SHANK2: variants seen among roughly 807,000 people sequenced by gnomAD.
SHANK2 encodes SH3 and multiple ankyrin repeat domains protein 2.
Under a neutral mutation model 133.7 loss-of-function variants are expected in SHANK2, and 43 were observed. The ratio of observed to expected loss-of-function variants is 0.32; its 90% CI spans 0.25 to 0.41. The LOEUF (loss-of-function observed/expected upper bound fraction) is 0.41. Among genes scored for constraint, SHANK2 ranks in the 10% least tolerant of loss-of-function variants. The pLI is 1.00. For missense variants in SHANK2, 1,994 were observed against 2,235.8 expected (o/e 0.89, Z 2.18); for synonymous variants, 1,017 against 952.8 (o/e 1.07, Z -1.24).
chr11:71,162,864 A>G lies in SHANK2; in HGVS notation c.-12-15526T>C, dbSNP rs1257293201. Among the ~76,000 whole-genome samples the G allele has an allele frequency of 7.9e-5, 12 of 151,926 alleles. No homozygotes were observed. In the East Asian group the frequency reaches 1.7e-3, roughly 22 times the overall value. ...AAGACGGGCAGATCACGAGGTCAGG[A>G]GATCAAGATCATCCTGACTAACATG... On this transcript the variant is annotated intron_variant, in intron 2 of 25. Transcript: ENST00000601538.
chr11:70,733,493 T>C (rs185336864), intron 14 of SHANK2, among the ~76,000 whole-genome samples: 1 of 152,200 alleles, frequency 6.6e-6, no homozygotes, highest in Non-Finnish European at 1.5e-5. Context: ...TGAGCTGGGA[T>C]TGGAACCCAG....
At chr11:71,072,475 C>T (rs939720269) in intron 9 of SHANK2, among the ~76,000 whole-genome samples, 3 of 152,244 alleles carry the variant, frequency 2.0e-5, no homozygotes, top group African/African-American at 7.2e-5. Flanking sequence ...GGCTCTCACA[C>T]TTGGTCTTAC....
intron 2 of SHANK2, among the ~76,000 whole-genome samples, chr11:71,184,942 A>T (rs1953640945): frequency 6.6e-6 from 1 of 152,150 alleles, no homozygotes; most frequent in Non-Finnish European, 1.5e-5. Context: ...GCACAAAGCT[A>T]AACACTCTGT....
intron 14 of SHANK2, among the ~76,000 whole-genome samples, chr11:70,725,273 G>A (rs993646994): frequency 7.2e-5 from 11 of 152,222 alleles, no homozygotes; most frequent in Non-Finnish European, 1.5e-4. Flanking sequence ...ACACCCCAAA[G>A]CAGCAACATT....
At chr11:70,549,143 G>A (rs1042622461) in intron 17 of SHANK2, among the ~76,000 whole-genome samples, 2 of 152,174 alleles carry the variant, frequency 1.3e-5, no homozygotes, top group South Asian at 2.1e-4. Context: ...CTGTGCACAC[G>A]GGGGCGCTCG....
intron 17 of SHANK2, among the ~76,000 whole-genome samples, chr11:70,546,424 T>C (rs1011816833): frequency 2.6e-5 from 4 of 152,142 alleles, no homozygotes; most frequent in Non-Finnish European, 4.4e-5. Flanking sequence ...TATCATCTCA[T>C]TAACATATAA....
At chr11:71,119,170 TCA>T in intron 3 of SHANK2, 138 bp from the exon 4 acceptor site, 1 of 661,078 alleles carries the variant, frequency 1.5e-6, no homozygotes, top group South Asian at 2.1e-5. Flanking sequence ...CCACGGCTTT[TCA>T]CAGTGAAAAA....
At chr11:70,584,907 C>T (rs1489169252) in intron 17 of SHANK2, among the ~76,000 whole-genome samples, 2 of 152,236 alleles carry the variant, frequency 1.3e-5, no homozygotes, top group Admixed American at 1.3e-4. Flanking sequence ...TGTCATTCCA[C>T]TACATGTTCT....
rs571485140 is a variant in SHANK2 at position 70,858,485 on chromosome 11, C to T, written c.1175-37803G>A. 3.3e-5 allele frequency among the ~76,000 whole-genome samples: 5 copies of T among 152,346 alleles called. No homozygotes were observed. The East Asian group carries it at 9.7e-4, about 29-fold the overall frequency. On this transcript the variant is annotated intron_variant, in intron 11 of 25. Coordinates refer to ENST00000601538, the MANE Select transcript of SHANK2 (RefSeq NM_012309.5). ...GACCTGCACACCCAACACCTAGCAG[C>T]AAGGCAGATTCCAACCTGACCATGG...
At chr11:70,692,024 G>A (rs1945300231) in intron 15 of SHANK2, among the ~76,000 whole-genome samples, 1 of 152,178 alleles carries the variant, frequency 6.6e-6, no homozygotes, top group Non-Finnish European at 1.5e-5. Flanking sequence ...AATTAACTGC[G>A]AGGCCCAGCC....
intron 2 of SHANK2, among the ~76,000 whole-genome samples, chr11:71,211,192 C>CTTT (rs34505384): frequency 2.5e-3 from 253 of 101,938 alleles, no homozygotes; most frequent in African/African-American, 8.2e-3. Context: ...GGTCAATTTC[C>CTTT]TTTTTTTTTT....
chr11:70,914,930 A>AT (rs1196276037), intron 10 of SHANK2, among the ~76,000 whole-genome samples: 9 of 151,204 alleles, frequency 6.0e-5, no homozygotes, highest in Non-Finnish European at 1.3e-4. Flanking sequence ...GAAAAAAAAA[A>AT]GGAAGAAAAT....
chr11:70,492,063 C>T (rs868944253), intron 22 of SHANK2, among the ~76,000 whole-genome samples: 19 of 152,182 alleles, frequency 1.2e-4, no homozygotes, highest in Non-Finnish European at 2.1e-4. Flanking sequence ...CATGTGCTCA[C>T]GGGTCCTCAG....
chr11:70,812,491 T>C (rs1393662302), intron 12 of SHANK2, among the ~76,000 whole-genome samples: 4 of 152,230 alleles, frequency 2.6e-5, no homozygotes, highest in Non-Finnish European at 5.9e-5. Flanking sequence ...GGTATGGAAA[T>C]ACAGAGCTGG....
intron 17 of SHANK2, among the ~76,000 whole-genome samples, chr11:70,635,773 G>A (rs78523695): frequency 1.3e-5 from 2 of 151,886 alleles, no homozygotes; most frequent in Non-Finnish European, 2.9e-5. Flanking sequence ...AAAAAGGGGG[G>A]AGGAAGTGAA....
At chr11:70,612,463 C>T (rs1194925576) in intron 17 of SHANK2, among the ~76,000 whole-genome samples, 1 of 152,198 alleles carries the variant, frequency 6.6e-6, no homozygotes, top group South Asian at 2.1e-4. Flanking sequence ...CATATGCATG[C>T]GTGCATACAT....
chr11:70,953,983 G>A (rs1420391907), intron 10 of SHANK2, among the ~76,000 whole-genome samples: 3 of 152,234 alleles, frequency 2.0e-5, no homozygotes, highest in South Asian at 2.1e-4. Context: ...GTGTGTGTGT[G>A]TCTAATAGAC....
intron 10 of SHANK2, among the ~76,000 whole-genome samples, chr11:70,952,297 T>A (rs1235931844): frequency 1.3e-5 from 2 of 152,166 alleles, no homozygotes; most frequent in South Asian, 4.1e-4. Flanking sequence ...ACCACCTTCT[T>A]GGGTGACTGA....
At chr11:71,251,615 G>T (rs1948181306) in intron 1 of SHANK2, among the ~76,000 whole-genome samples, 1 of 151,390 alleles carries the variant, frequency 6.6e-6, no homozygotes, top group Non-Finnish European at 1.5e-5. Context: ...ATCAACTCGA[G>T]CGCGCCGGTG....
Sources: gnomAD v4.1 joint callset for allele counts (sites outside exome capture counted in the v4.1 genomes callset) on GRCh38, gnomAD v4.1.1 for gene constraint, MANE v1.5 for transcripts, NCBI Gene and HGNC (gene_info 2026-07-23, HGNC 2026-07-21) for gene names.